IGF2BP3: variants seen among roughly 807,000 people sequenced by gnomAD.
IGF2BP3 encodes the protein insulin like growth factor 2 mRNA binding protein 3, also known as insulin-like growth factor 2 mRNA-binding protein 3.
IGF2BP3 carries 9 observed loss-of-function variants against 73.8 expected under a neutral mutation model. The observed-to-expected ratio is 0.12, with a 90% CI of 0.07 to 0.21. The LOEUF (loss-of-function observed/expected upper bound fraction) is 0.21, where lower values mean the gene tolerates loss of function less well. IGF2BP3 is among the 10% of genes least tolerant of loss of function. The probability of loss-of-function intolerance (pLI) is 1.00; values close to 1 mark genes in which losing one functional copy is unlikely to be tolerated. For synonymous variants in IGF2BP3, 258 were observed against 256.7 expected, an observed-to-expected ratio of 1.01 and a Z score of -0.05; for missense variants, 542 against 714.0, an observed-to-expected ratio of 0.76 and a Z score of 2.75.
chr7:23,361,504 T>C, intron 5 of IGF2BP3, 30 bp downstream of exon 5: 9 of 1,566,796 alleles, frequency 5.7e-6, no homozygotes, highest in African/African-American at 1.4e-5. Flanking sequence ...TTAGTTATTA[T>C]ATATAGATTA....
intron 10 of IGF2BP3, among the ~76,000 whole-genome samples, chr7:23,328,697 A>T (rs1183498226): frequency 6.6e-6 from 1 of 152,326 alleles, no homozygotes; most frequent in Non-Finnish European, 1.5e-5. Context: ...GGAATTACCA[A>T]GGTTAATCAC....
intron 2 of IGF2BP3, among the ~76,000 whole-genome samples, chr7:23,445,509 GA>G (rs1376179984): frequency 2.0e-5 from 3 of 151,408 alleles, no homozygotes; most frequent in Non-Finnish European, 4.4e-5. Context: ...TACTTAGTAT[GA>G]CTAAGTAAAA....
chr7:23,411,653 AG>A (rs1344952051), intron 3 of IGF2BP3, among the ~76,000 whole-genome samples: 1 of 152,222 alleles, frequency 6.6e-6, no homozygotes, highest in Non-Finnish European at 1.5e-5. Flanking sequence ...TGGACCAAGT[AG>A]CACCTAACAC....
chr7:23,326,642 C>T (rs1228429441), intron 10 of IGF2BP3, among the ~76,000 whole-genome samples: 2 of 149,602 alleles, frequency 1.3e-5, no homozygotes, highest in Non-Finnish European at 3.0e-5. Context: ...GCATTATTCA[C>T]AATAGCAAAG....
intron 3 of IGF2BP3, among the ~76,000 whole-genome samples, chr7:23,388,297 G>A (rs1023034377): frequency 2.6e-5 from 4 of 152,106 alleles, no homozygotes; most frequent in African/African-American, 9.7e-5. Context: ...GTATTTACCT[G>A]AGAGAAATGA....
Position 23,470,011 on chromosome 7 carries a change from G to C in IGF2BP3, c.100C>G (p.Leu34Val). ...DAKIPVSGPF[L>V]VKTGYAFVDC... ...ACGAACGCGTAGCCAGTCTTCACCA[G>C]GAAGGGTCCCGACACCGGGATCTTG... is the stretch of plus-strand genomic sequence containing the variant. Residue 34 changes from leucine (L) to valine (V), a missense_variant, in exon 1 of 15, where the codon CTG (leucine) becomes GTG (valine). Leu to Val is a conservative substitution (Grantham distance 32, BLOSUM62 1). Around this residue, in one of 2 missense-constraint regions of IGF2BP3, gnomAD observed 239 missense variants for 241.9 expected, o/e 0.99. Transcript: ENST00000258729. 2.5e-6 allele frequency: 4 copies of C among 1,612,968 alleles called. No homozygotes were observed. The highest frequency in any genetic ancestry group is 3.4e-6 in the Non-Finnish European group (4 of 1,179,762).
intron 3 of IGF2BP3, among the ~76,000 whole-genome samples, chr7:23,381,050 A>G (rs538994464): frequency 6.6e-6 from 1 of 152,338 alleles, no homozygotes; most frequent in Admixed American, 6.5e-5. Flanking sequence ...CCATGTCTAA[A>G]TCAGACTCAA....
chr7:23,393,199 C>T (rs1318244058), intron 3 of IGF2BP3, among the ~76,000 whole-genome samples: 2 of 152,142 alleles, frequency 1.3e-5, no homozygotes. Context: ...GTGCTATCAC[C>T]TCACCAATGT....
At chr7:23,454,768 C>G (rs910712157) in intron 2 of IGF2BP3, among the ~76,000 whole-genome samples, 1 of 152,178 alleles carries the variant, frequency 6.6e-6, no homozygotes, top group Non-Finnish European at 1.5e-5. Context: ...GGTAGTAGTA[C>G]GTGCACACAG....
chr7:23,372,179 A>C (rs166665), intron 3 of IGF2BP3, among the ~76,000 whole-genome samples: 17,609 of 151,594 alleles, frequency 0.12, 2,024 homozygotes, highest in African/African-American at 0.29. Flanking sequence ...GGTTCAAGCG[A>C]TTCTTCTGCC....
chr7:23,346,041 C>A lies in IGF2BP3; in HGVS notation c.840G>T (p.Lys280Asn), dbSNP rs1430803133. 1 of 1,613,298 alleles carries A rather than the reference C, an allele frequency of 6.2e-7. No individual in the cohort carries two copies. The highest frequency in any genetic ancestry group is 8.5e-7 in the Non-Finnish European group (1 of 1,179,960). ...DIKFTEEIPL[K>N]ILAHNNFVGR... ...CAACAAAGTTATTATGAGCTAAAATCTTCAAGGGGATCTCTTCTGTGCTGT... is the reference window on the plus strand; with the variant it reads ...CAACAAAGTTATTATGAGCTAAAATATTCAAGGGGATCTCTTCTGTGCTGT... The change falls in exon 8 of 15, where the codon AAG becomes AAT. Residue 280 changes from lysine to asparagine, a missense_variant. Coordinates refer to ENST00000258729, the MANE Select transcript of IGF2BP3 (RefSeq NM_006547.3).
rs144408659 is a variant in IGF2BP3, at chr7:23,430,509, C to T, written c.237-11685G>A. Among the ~76,000 whole-genome samples, 309 of 152,368 alleles carry T rather than the reference C, an allele frequency of 2.0e-3. 2 individuals carry two copies. Among genetic ancestry groups the T allele is most frequent in the African/African-American group, 7.2e-3 (298 of 41,580 alleles). ...GCCACTTGGTGGCACTCTGTACCGGCTGCAAATTTTCATTCCAGCTGTGCC... is the reference window on the plus strand; with the variant it reads ...GCCACTTGGTGGCACTCTGTACCGGTTGCAAATTTTCATTCCAGCTGTGCC... On this transcript the variant is annotated intron_variant, in intron 2 of 14. Transcript: ENST00000258729.
chr7:23,431,249 A>G (rs535702484), intron 2 of IGF2BP3: 3 of 152,310 alleles, frequency 2.0e-5, no homozygotes, highest in African/African-American at 7.2e-5. Context: ...GAACTTTACT[A>G]GTTGTTGAGG....
chr7:23,417,688 A>T (rs1372051464), intron 3 of IGF2BP3, among the ~76,000 whole-genome samples: 2 of 152,186 alleles, frequency 1.3e-5, no homozygotes, highest in Non-Finnish European at 2.9e-5. Flanking sequence ...TCTTAAAATA[A>T]GGGGATTGAA....
chr7:23,336,763 C>A (rs1435941640), intron 10 of IGF2BP3, among the ~76,000 whole-genome samples: 1 of 152,128 alleles, frequency 6.6e-6, no homozygotes, highest in Non-Finnish European at 1.5e-5. Context: ...GCCTGGCAAA[C>A]ATGGTAAAAC....
intron 10 of IGF2BP3, among the ~76,000 whole-genome samples, chr7:23,331,503 A>G (rs1583895026): frequency 6.6e-6 from 1 of 152,204 alleles, no homozygotes; most frequent in Non-Finnish European, 1.5e-5. Context: ...GATGAGACAG[A>G]GTGAGACTCT....
At position 23,311,788 on chromosome 7, in the gene IGF2BP3, G is replaced by A. The variant is rs1331531763; in HGVS notation, c.*574C>T. The A allele has an allele frequency of 1.3e-5, 2 of 152,518 alleles. No individual in the cohort carries two copies. The highest frequency in any genetic ancestry group is 2.9e-5 in the Non-Finnish European group (2 of 68,036). 9.4% of individuals were successfully genotyped at this position (152,518 alleles called of 1,614,324 possible). On this transcript the variant is annotated 3_prime_UTR_variant, in exon 15 of 15. Transcript: ENST00000258729. Reference sequence around the variant, plus strand: ...CAATTTTGCTTTTCATTGTATTACTGAATACCTGAGGTAGTTGAGTAAAAA... The same window carrying A: ...CAATTTTGCTTTTCATTGTATTACTAAATACCTGAGGTAGTTGAGTAAAAA...
intron 2 of IGF2BP3, among the ~76,000 whole-genome samples, chr7:23,425,940 T>C (rs1306636921): frequency 6.6e-6 from 1 of 151,420 alleles, no homozygotes; most frequent in Non-Finnish European, 1.5e-5. Flanking sequence ...CACTCCAGCC[T>C]GGGCAACAGG....
intron 10 of IGF2BP3, among the ~76,000 whole-genome samples, chr7:23,331,419 G>A (rs193094818): frequency 6.6e-6 from 1 of 152,296 alleles, no homozygotes. Context: ...CTAAATAACT[G>A]TCAGGTGAAG....
Sources: allele counts gnomAD v4.1 joint callset (sites outside exome capture counted in the v4.1 genomes callset), GRCh38; gene constraint gnomAD v4.1.1; regional missense constraint gnomAD v4.1.1; transcripts MANE v1.5; gene names NCBI Gene and HGNC (gene_info 2026-07-23, HGNC 2026-07-21).